Variants in OXR1 observed in about 807,000 individuals in gnomAD.
OXR1 encodes the protein oxidation resistance protein 1.
Under a neutral mutation model 104.6 loss-of-function variants are expected in OXR1, and 41 were observed. The ratio of observed to expected loss-of-function variants is 0.39; its 90% confidence interval spans 0.31 to 0.51. The LOEUF (loss-of-function observed/expected upper bound fraction) is 0.51, where lower values mean the gene tolerates loss of function less well. Ranked by LOEUF, OXR1 falls within the 20% of genes least tolerant of loss-of-function variation. OXR1 has a pLI of 0.77. For missense variants in OXR1, 955 were observed against 1,031.9 expected (o/e 0.93, Z 1.02); for synonymous variants, 348 against 348.4 (o/e 1.00, Z 0.01).
chr8:106,726,217 T>C (rs1192749061), intron 11 of OXR1: 1 of 1,514,576 alleles, frequency 6.6e-7, no homozygotes, highest in Non-Finnish European at 8.8e-7. Context: ...CGTGATTTTA[T>C]GTAACTTAAT....
intron 3 of OXR1, among the ~76,000 whole-genome samples, chr8:106,567,463 T>A (rs1586822885): frequency 6.6e-6 from 1 of 152,194 alleles, no homozygotes; most frequent in Non-Finnish European, 1.5e-5. Context: ...CAGTGAGGAA[T>A]GAGTTAAAAT....
At chr8:106,491,283 T>C (rs1373413174) in intron 2 of OXR1, among the ~76,000 whole-genome samples, 2 of 152,238 alleles carry the variant, frequency 1.3e-5, no homozygotes, top group Admixed American at 6.5e-5. Flanking sequence ...AGTATTCCTC[T>C]CAACAGTTTT....
At chr8:106,400,581 A>G (rs1193281276) in intron 2 of OXR1, among the ~76,000 whole-genome samples, 4 of 152,206 alleles carry the variant, frequency 2.6e-5, no homozygotes, top group African/African-American at 4.8e-5. Flanking sequence ...TTTAATTAAC[A>G]TAAATTGGTC....
At chr8:106,424,194 TC>T (rs1256838162) in intron 2 of OXR1, among the ~76,000 whole-genome samples, 8 of 152,108 alleles carry the variant, frequency 5.3e-5, no homozygotes, top group African/African-American at 1.9e-4. Flanking sequence ...CCCCTCAGCC[TC>T]CCAAACTGCC....
intron 7 of OXR1, among the ~76,000 whole-genome samples, chr8:106,698,233 G>A (rs1830257949): frequency 6.6e-6 from 1 of 152,004 alleles, no homozygotes; most frequent in South Asian, 2.1e-4. Context: ...TTGTTTTCTG[G>A]CTTGTGTTTT....
At chr8:106,381,241 A>G (rs901684208) in intron 2 of OXR1, among the ~76,000 whole-genome samples, 1 of 152,190 alleles carries the variant, frequency 6.6e-6, no homozygotes, top group Non-Finnish European at 1.5e-5. Flanking sequence ...GAATGATGGA[A>G]CAATAAGCAA....
At chr8:106,674,827 C>T (rs1451648244) in intron 3 of OXR1, among the ~76,000 whole-genome samples, 2 of 152,092 alleles carry the variant, frequency 1.3e-5, no homozygotes, top group Admixed American at 6.5e-5. Flanking sequence ...CCTCATGCTG[C>T]CTTGTGAAAA....
At chr8:106,697,473 GC>G in intron 7 of OXR1, 2 of 1,595,878 alleles carry the variant, frequency 1.3e-6, no homozygotes, top group Non-Finnish European at 1.7e-6. Flanking sequence ...TGCCTGAGAT[GC>G]CCCCCATCTG....
intron 1 of OXR1, among the ~76,000 whole-genome samples, chr8:106,348,262 A>C (rs1306541459): frequency 1.3e-5 from 2 of 152,134 alleles, no homozygotes; most frequent in Non-Finnish European, 2.9e-5. Context: ...TATGAAGGAC[A>C]TTGAAGCAAA....
At chr8:106,690,585 T>C (rs1829180677) in intron 6 of OXR1, among the ~76,000 whole-genome samples, 2 of 151,440 alleles carry the variant, frequency 1.3e-5, no homozygotes, top group Non-Finnish European at 3.0e-5. Context: ...AGTTTTTTTT[T>C]TTTTCCTAGA....
At chr8:106,743,097 G>T (rs1458472475) in intron 15 of OXR1, among the ~76,000 whole-genome samples, 3 of 151,454 alleles carry the variant, frequency 2.0e-5, no homozygotes, top group African/African-American at 7.3e-5. Flanking sequence ...AAATTTGCAA[G>T]AAAAAAAACA....
Position 106,692,894 on chromosome 8 carries a change from T to C in OXR1, c.675+17T>C, listed in dbSNP as rs748393086. ...AGTGGCAAGGTAAAGAATGACACTT[T>C]AGAGAAGACCTTTAATCATGCTTTA... On this transcript the variant is annotated intron_variant, in intron 7 of 16. Coordinates refer to ENST00000517566, the MANE Select transcript of OXR1 (RefSeq NM_001198533.2). 2 of 1,556,682 alleles carry C rather than the reference T, an allele frequency of 1.3e-6. No individual in the cohort carries two copies. The highest frequency in any genetic ancestry group is 2.3e-5 in the East Asian group (1 of 44,416).
chr8:106,465,549 T>A (rs12541594), intron 2 of OXR1, among the ~76,000 whole-genome samples: 16,774 of 151,954 alleles, frequency 0.11, 1,214 homozygotes, highest in East Asian at 0.27. Context: ...AGGTAAGAGA[T>A]GCTGTTGACT....
chr8:106,312,150 G>A (rs1005721652), intron 1 of OXR1, among the ~76,000 whole-genome samples: 17 of 152,272 alleles, frequency 1.1e-4, no homozygotes, highest in Non-Finnish European at 2.1e-4. Context: ...AAACTAAAGC[G>A]ATTTGAATTA....
chr8:106,496,959 C>T (rs1299475370), intron 2 of OXR1, among the ~76,000 whole-genome samples: 1 of 152,254 alleles, frequency 6.6e-6, no homozygotes, highest in East Asian at 1.9e-4. Context: ...GGGGGCACTT[C>T]CTTTTGCTTT....
intron 1 of OXR1, among the ~76,000 whole-genome samples, chr8:106,312,353 A>T (rs1285343567): frequency 6.6e-6 from 1 of 152,206 alleles, no homozygotes; most frequent in Non-Finnish European, 1.5e-5. Flanking sequence ...GTCTTAGAAG[A>T]GTGTCCTCAG....
At chr8:106,645,501 T>C (rs1346326090) in intron 3 of OXR1, among the ~76,000 whole-genome samples, 1 of 152,198 alleles carries the variant, frequency 6.6e-6, no homozygotes, top group Non-Finnish European at 1.5e-5. Flanking sequence ...GTTATATTGC[T>C]GTGTCTACTG....
chr8:106,382,266 T>A (rs1817178914), intron 2 of OXR1, among the ~76,000 whole-genome samples: 1 of 152,136 alleles, frequency 6.6e-6, no homozygotes, highest in Non-Finnish European at 1.5e-5. Flanking sequence ...ATTTTGTGAA[T>A]CTTTCTGTTA....
intron 11 of OXR1, chr8:106,726,031 C>G: frequency 1.7e-6 from 1 of 605,128 alleles, no homozygotes; most frequent in East Asian, 3.6e-5. Flanking sequence ...TCTTCCCTCC[C>G]CAGCTTTACA....
Sources: allele counts gnomAD v4.1 joint callset (sites outside exome capture counted in the v4.1 genomes callset), GRCh38; gene constraint gnomAD v4.1.1; transcripts MANE v1.5; gene names NCBI Gene and HGNC (gene_info 2026-07-23, HGNC 2026-07-21).